ARHGAP24: variants seen among roughly 807,000 people sequenced by gnomAD.
ARHGAP24 encodes rho GTPase-activating protein 24.
Under a neutral mutation model 76.4 loss-of-function variants are expected in ARHGAP24, and 50 were observed. That is an observed-to-expected ratio of 0.65 (90% CI 0.52 to 0.83). The LOEUF is 0.83. Among genes scored for constraint, ARHGAP24 ranks in the 40% least tolerant of loss-of-function variants. The pLI is 0.00. For missense variants in ARHGAP24, 930 were observed against 914.2 expected (o/e 1.02, Z -0.22); for synonymous variants, 345 against 323.3 (o/e 1.07, Z -0.72).
intron 1 of ARHGAP24, among the ~76,000 whole-genome samples, chr4:85,501,507 G>C (rs915691454): frequency 4.6e-5 from 7 of 152,248 alleles, no homozygotes; most frequent in South Asian, 2.1e-4. Context: ...GTGTCTGTTG[G>C]CTGCATAAAT....
In ARHGAP24 at chr4:85,994,623, C is replaced by A. The variant is rs1342104916; in HGVS notation, c.969C>A (p.Ser323Arg). The change falls in exon 9 of 10, where the codon AGC (serine) becomes AGA (arginine). Residue 323 changes from serine (S) to arginine (R), a missense_variant. Transcript: ENST00000395184. Reference sequence around the variant, plus strand: ...AGCAGTTGATGTCAGTGATGATTAGCAAACATGATTGCCTCTTTCCCAAAG... The same window carrying A: ...AGCAGTTGATGTCAGTGATGATTAGAAAACATGATTGCCTCTTTCCCAAAG... ...VVQQLMSVMI[S>R]KHDCLFPKDA... 2 of 1,614,028 alleles carry A rather than the reference C, an allele frequency of 1.2e-6. No individual in the cohort carries two copies. The highest frequency in any genetic ancestry group is 1.7e-6 in the Non-Finnish European group (2 of 1,180,040).
chr4:85,826,698 C>A (rs1454410729), intron 3 of ARHGAP24, among the ~76,000 whole-genome samples: 2 of 152,128 alleles, frequency 1.3e-5, no homozygotes. Flanking sequence ...TCCCATTTCA[C>A]CCTGATGTCA....
At chr4:85,544,033 T>C (rs951320615) in intron 1 of ARHGAP24, among the ~76,000 whole-genome samples, 3 of 152,134 alleles carry the variant, frequency 2.0e-5, no homozygotes, top group African/African-American at 7.2e-5. Flanking sequence ...ATTCTCATTC[T>C]CTCCATGCTA....
intron 2 of ARHGAP24, among the ~76,000 whole-genome samples, chr4:85,678,845 A>G (rs1056847053): frequency 1.3e-5 from 2 of 152,178 alleles, no homozygotes; most frequent in African/African-American, 4.8e-5. Flanking sequence ...ACATTTTGTT[A>G]TAGGAAGTAC....
intron 3 of ARHGAP24, among the ~76,000 whole-genome samples, chr4:85,859,730 TGTA>T (rs1050541347): frequency 2.6e-5 from 4 of 152,148 alleles, no homozygotes; most frequent in Admixed American, 2.6e-4. Context: ...TCCATCTGGC[TGTA>T]GTCTGGAATT....
chr4:85,656,687 C>G (rs6815721), intron 2 of ARHGAP24, among the ~76,000 whole-genome samples: 1 of 151,890 alleles, frequency 6.6e-6, no homozygotes, highest in Non-Finnish European at 1.5e-5. Flanking sequence ...AGGATGGTCT[C>G]GATCTCCTGA....
intron 2 of ARHGAP24, among the ~76,000 whole-genome samples, chr4:85,700,251 C>T (rs754491676): frequency 9.9e-5 from 15 of 151,864 alleles, no homozygotes; most frequent in Non-Finnish European, 1.6e-4. Context: ...AAAAATTAGC[C>T]AGGTGTAAGG....
intron 2 of ARHGAP24, among the ~76,000 whole-genome samples, chr4:85,650,225 T>C (rs1284338080): frequency 2.2e-5 from 3 of 138,226 alleles, no homozygotes; most frequent in African/African-American, 7.0e-5. Context: ...AAAGTTATCA[T>C]AGATTTTAGA....
At chr4:85,585,052 T>G (rs1449478930) in intron 2 of ARHGAP24, among the ~76,000 whole-genome samples, 2 of 152,216 alleles carry the variant, frequency 1.3e-5, no homozygotes, top group Non-Finnish European at 2.9e-5. Context: ...AATCCTCATT[T>G]TTTTTGCAAT....
At chr4:85,723,512 T>C (rs551637004) in intron 3 of ARHGAP24, 1 of 152,326 alleles carries the variant, frequency 6.6e-6, no homozygotes. Flanking sequence ...CTAAGAAGTT[T>C]AAGACTGTGT....
At chr4:85,591,285 A>T (rs1560544311) in intron 2 of ARHGAP24, among the ~76,000 whole-genome samples, 1 of 152,040 alleles carries the variant, frequency 6.6e-6, no homozygotes, top group Admixed American at 6.6e-5. Flanking sequence ...ACCTCAGGTG[A>T]TCCACACAAC....
At chr4:85,782,112 T>C (rs1727594455) in intron 3 of ARHGAP24, among the ~76,000 whole-genome samples, 1 of 151,842 alleles carries the variant, frequency 6.6e-6, no homozygotes, top group Non-Finnish European at 1.5e-5. Flanking sequence ...GCTTCCTACC[T>C]TCAGTTAGGT....
intron 3 of ARHGAP24, among the ~76,000 whole-genome samples, chr4:85,918,556 T>C (rs148439202): frequency 2.7e-4 from 41 of 152,238 alleles, no homozygotes; most frequent in Middle Eastern, 6.8e-3. Flanking sequence ...CTATGCATTA[T>C]TTTATGTTGA....
chr4:85,529,531 T>C (rs1484319900), intron 1 of ARHGAP24, among the ~76,000 whole-genome samples: 1 of 152,062 alleles, frequency 6.6e-6, no homozygotes, highest in African/African-American at 2.4e-5. Context: ...TTAAGGTTTC[T>C]CAATCTCAGC....
At chr4:85,981,913 G>T (rs2148860616) in intron 8 of ARHGAP24, among the ~76,000 whole-genome samples, 1 of 152,130 alleles carries the variant, frequency 6.6e-6, no homozygotes, top group Non-Finnish European at 1.5e-5. Context: ...TATCTATGGG[G>T]CGCTTTGGGG....
intron 3 of ARHGAP24, among the ~76,000 whole-genome samples, chr4:85,910,820 A>G (rs1415313072): frequency 6.6e-6 from 1 of 150,992 alleles, no homozygotes; most frequent in Non-Finnish European, 1.5e-5. Flanking sequence ...ACAAGTTCCC[A>G]CTCCTGTCCC....
Position 85,806,639 on chromosome 4 carries a change from G to GA in ARHGAP24, c.268+84673dup, listed in dbSNP as rs554679522. Among the ~76,000 whole-genome samples the GA allele has an allele frequency of 7.2e-5, 11 of 152,140 alleles. No individual in the cohort carries two copies. In the South Asian group the frequency reaches 1.7e-3, roughly 23 times the overall value. On this transcript the variant is annotated intron_variant, in intron 3 of 9. Transcript: ENST00000395184. The stretch of plus-strand genomic sequence containing the variant: ...GTTGCTATATAATCCACTGTGATCT[G>GA]AAAAAACATGCACAAAAATGGGAGT...
chr4:85,581,661 A>T (rs2109972419), intron 2 of ARHGAP24, among the ~76,000 whole-genome samples: 1 of 152,268 alleles, frequency 6.6e-6, no homozygotes, highest in South Asian at 2.1e-4. Flanking sequence ...GGCAGAAAAC[A>T]TTAGCAGTAA....
At chr4:85,795,390 C>A (rs1428267890) in intron 3 of ARHGAP24, among the ~76,000 whole-genome samples, 1 of 152,022 alleles carries the variant, frequency 6.6e-6, no homozygotes. Flanking sequence ...AGAGTTGACA[C>A]CCTGCTTGTT....
Sources: gnomAD v4.1 joint callset for allele counts (sites outside exome capture counted in the v4.1 genomes callset) on GRCh38, gnomAD v4.1.1 for gene constraint, MANE v1.5 for transcripts, NCBI Gene and HGNC (gene_info 2026-07-23, HGNC 2026-07-21) for gene names.